Variants in SEMA6A observed in about 807,000 individuals in gnomAD.
The protein encoded by SEMA6A is semaphorin-6A.
In SEMA6A, 25 loss-of-function variants were observed where a neutral mutation model predicts 96.8. The observed-to-expected ratio is 0.26, with a 90% CI of 0.19 to 0.36. The LOEUF is 0.36. Ranked by LOEUF, SEMA6A falls within the 10% of genes least tolerant of loss-of-function variation. The probability of loss-of-function intolerance (pLI) is 1.00; values close to 1 mark genes in which losing one functional copy is unlikely to be tolerated. For missense variants in SEMA6A, 1,363 were observed against 1,323.1 expected (o/e 1.03, Z -0.47); for synonymous variants, 612 against 518.0 (o/e 1.18, Z -2.46).
chr5:116,553,389 T>C (rs1760492076), intron 1 of SEMA6A, among the ~76,000 whole-genome samples: 1 of 152,180 alleles, frequency 6.6e-6, no homozygotes, highest in South Asian at 2.1e-4. Flanking sequence ...CTTGGTGTCA[T>C]TAGCGTCTAT....
At chr5:116,551,293 C>G (rs1235603707) in intron 1 of SEMA6A, among the ~76,000 whole-genome samples, 2 of 142,666 alleles carry the variant, frequency 1.4e-5, no homozygotes, top group Non-Finnish European at 3.1e-5. Context: ...AGTGTAGAAT[C>G]AATTCTGCAT....
chr5:116,450,465 G>GA (rs1453943680), intron 18 of SEMA6A, among the ~76,000 whole-genome samples: 1 of 152,174 alleles, frequency 6.6e-6, no homozygotes, highest in Non-Finnish European at 1.5e-5. Context: ...GTTTCACTGG[G>GA]AAAACTGCAA....
intron 3 of SEMA6A, among the ~76,000 whole-genome samples, chr5:116,500,273 G>T (rs1298702627): frequency 1.3e-5 from 2 of 152,136 alleles, no homozygotes; most frequent in Non-Finnish European, 2.9e-5. Flanking sequence ...ATAGTACAGG[G>T]AATGACAGCA....
intron 1 of SEMA6A, among the ~76,000 whole-genome samples, chr5:116,524,137 G>C (rs552408369): frequency 6.4e-4 from 98 of 152,256 alleles, no homozygotes; most frequent in African/African-American, 2.2e-3. Flanking sequence ...TGCAAACACA[G>C]ACAATAGGTA....
intron 1 of SEMA6A, among the ~76,000 whole-genome samples, chr5:116,525,641 G>C (rs1456528724): frequency 6.6e-6 from 1 of 152,144 alleles, no homozygotes; most frequent in Non-Finnish European, 1.5e-5. Context: ...GATGGTAACG[G>C]CAGTTTGGTG....
chr5:116,546,577 A>G (rs1427258796), intron 1 of SEMA6A, among the ~76,000 whole-genome samples: 1 of 152,198 alleles, frequency 6.6e-6, no homozygotes, highest in Non-Finnish European at 1.5e-5. Flanking sequence ...CTACATTTCT[A>G]ATAAGCTTTT....
chr5:116,513,860 T>G (rs1008726430), intron 1 of SEMA6A, among the ~76,000 whole-genome samples: 3 of 152,182 alleles, frequency 2.0e-5, no homozygotes, highest in Admixed American at 2.0e-4. Context: ...AGCTCCCACT[T>G]GTAAGTAAGA....
intron 1 of SEMA6A, among the ~76,000 whole-genome samples, chr5:116,571,601 C>G (rs1580531200): frequency 1.3e-5 from 2 of 152,128 alleles, no homozygotes; most frequent in East Asian, 3.8e-4. Flanking sequence ...AAGGGTTACT[C>G]AAGATTCAAA....
rs141689330 is a variant in SEMA6A at position 116,489,034 on chromosome 5, C to G, written c.536-27G>C. 4.1e-4 allele frequency: 633 copies of G among 1,548,556 alleles called. No homozygotes were observed. The African/African-American group carries it at 8.0e-3, about 20-fold the overall frequency. ...TTAGAAGAAAAAGAAAAGAGGTGAA[C>G]AGGGTGGGAGCAAGTCAGTGGGGGT... On this transcript the variant is annotated intron_variant, in intron 7 of 18. Transcript: ENST00000343348.
chr5:116,538,800 A>AAGG (rs1180419485), intron 1 of SEMA6A, among the ~76,000 whole-genome samples: 192 of 151,996 alleles, frequency 1.3e-3, no homozygotes, highest in African/African-American at 4.4e-3. Flanking sequence ...CCTTGTCACC[A>AAGG]TCACCATCAT....
chr5:116,530,211 T>C (rs1199888147), intron 1 of SEMA6A, among the ~76,000 whole-genome samples: 4 of 152,174 alleles, frequency 2.6e-5, no homozygotes, highest in African/African-American at 4.8e-5. Flanking sequence ...TCTCAGTGTT[T>C]ACATTACTTT....
At chr5:116,534,672 C>A (rs1759632612) in intron 1 of SEMA6A, among the ~76,000 whole-genome samples, 1 of 152,188 alleles carries the variant, frequency 6.6e-6, no homozygotes, top group South Asian at 2.1e-4. Flanking sequence ...TACTAGTGAC[C>A]AGAAGCTGTA....
chr5:116,517,562 T>A (rs1210600354), intron 1 of SEMA6A, among the ~76,000 whole-genome samples: 1 of 152,208 alleles, frequency 6.6e-6, no homozygotes, highest in Non-Finnish European at 1.5e-5. Context: ...CTGACTGAGT[T>A]ACTTATTTTT....
chr5:116,463,104 G>A (rs531725909), intron 18 of SEMA6A, among the ~76,000 whole-genome samples: 1 of 152,184 alleles, frequency 6.6e-6, no homozygotes, highest in African/African-American at 2.4e-5. Context: ...CAAAGCCCCA[G>A]TGTAAACCCT....
rs569137933 is a variant in SEMA6A, at chr5:116,561,489, T to C, written c.-39+12696A>G. ...AAAAACAATAAAAGATGCAAATACATTATGGTTACTTTCCACAGAACAAGC... is the reference window on the plus strand; with the variant it reads ...AAAAACAATAAAAGATGCAAATACACTATGGTTACTTTCCACAGAACAAGC... On this transcript the variant is annotated intron_variant, in intron 1 of 18. Coordinates refer to ENST00000343348, the MANE Select transcript of SEMA6A (RefSeq NM_020796.5). Among the ~76,000 whole-genome samples, 110 of 152,254 alleles carry C rather than the reference T, an allele frequency of 7.2e-4. 1 individual carries two copies. The highest frequency in any genetic ancestry group is 3.2e-3 in the Middle Eastern group (1 of 316).
At chr5:116,478,929 AGTGTGTGTGT>A (rs34260068) in intron 12 of SEMA6A, among the ~76,000 whole-genome samples, 39 of 149,356 alleles carry the variant, frequency 2.6e-4, no homozygotes, top group African/African-American at 8.4e-4. Context: ...GGTGTGAGAG[AGTGTGTGTGT>A]GTGTGTGTGT....
At chr5:116,517,339 G>C (rs946892333) in intron 1 of SEMA6A, among the ~76,000 whole-genome samples, 5 of 151,506 alleles carry the variant, frequency 3.3e-5, no homozygotes, top group African/African-American at 9.7e-5. Context: ...TTCCTAAAGA[G>C]ATTAAAAACA....
At chr5:116,568,992 C>T (rs184500268) in intron 1 of SEMA6A, among the ~76,000 whole-genome samples, 207 of 152,340 alleles carry the variant, frequency 1.4e-3, no homozygotes, top group Non-Finnish European at 2.4e-3. Flanking sequence ...ATTCATTCAG[C>T]AAACACTTGT....
chr5:116,504,266 C>T (rs540614507), intron 2 of SEMA6A, among the ~76,000 whole-genome samples: 4 of 152,228 alleles, frequency 2.6e-5, no homozygotes, highest in African/African-American at 9.6e-5. Flanking sequence ...CAGGACTCTC[C>T]TCTTTTGAGG....
Sources: gnomAD v4.1 joint callset for allele counts (sites outside exome capture counted in the v4.1 genomes callset) on GRCh38, gnomAD v4.1.1 for gene constraint, MANE v1.5 for transcripts, NCBI Gene and HGNC (gene_info 2026-07-23, HGNC 2026-07-21) for gene names.